The following SPON1 variants were observed in gnomAD, a reference collection of about 807,000 sequenced individuals.
SPON1 encodes spondin 1.
A neutral mutation model predicts 111.7 loss-of-function variants in SPON1; 52 were observed. The ratio of observed to expected loss-of-function variants is 0.47; its 90% CI spans 0.37 to 0.59. The LOEUF is 0.59. Among genes scored for constraint, SPON1 ranks in the 20% least tolerant of loss-of-function variants. The pLI, the probability that SPON1 is intolerant of heterozygous loss-of-function variation, is 0.00. For synonymous variants in SPON1, 410 were observed against 395.8 expected (o/e 1.04, Z -0.43); for missense variants, 957 against 1,068.5 (o/e 0.90, Z 1.46).
intron 5 of SPON1, among the ~76,000 whole-genome samples, chr11:14,121,378 T>C (rs1407425035): frequency 1.3e-5 from 2 of 152,158 alleles, no homozygotes; most frequent in African/African-American, 4.8e-5. Flanking sequence ...CCCCCAGCAA[T>C]TGTTCAAATG....
chr11:14,260,011 G>A (rs1432100939), intron 13 of SPON1, among the ~76,000 whole-genome samples: 1 of 152,220 alleles, frequency 6.6e-6, no homozygotes, highest in Non-Finnish European at 1.5e-5. Context: ...GTGGGGAGGA[G>A]GGCCAATACA....
rs782136683 is a variant in SPON1 at position 14,254,661 on chromosome 11, T to A, written c.1024T>A (p.Trp342Arg). ...AEDLCTKECG[W>R]VQKVVQDLIP... The stretch of plus-strand genomic sequence containing the variant: ...AGATCTGTGCACCAAGGAATGTGGC[T>A]GGGTCCAGAAGGTGGTGCAAGACCT... Residue 342 changes from tryptophan (W) to arginine (R), a missense_variant, in exon 8 of 16, where the codon TGG (tryptophan) becomes AGG (arginine). Physicochemically the swap from Trp to Arg is moderately radical, Grantham distance 101. Transcript: ENST00000576479. 2 of 1,614,018 alleles carry A rather than the reference T, an allele frequency of 1.2e-6. No homozygotes were observed. Among genetic ancestry groups the A allele is most frequent in the South Asian group, 2.2e-5 (2 of 91,080 alleles).
At chr11:14,001,771 CATA>C (rs1554912478) in intron 2 of SPON1, among the ~76,000 whole-genome samples, 1 of 152,032 alleles carries the variant, frequency 6.6e-6, no homozygotes, top group East Asian at 1.9e-4. Flanking sequence ...GACAAACAAA[CATA>C]ATAACCAAGA....
chr11:13,999,377 CAA>C (rs1295691312), intron 2 of SPON1, among the ~76,000 whole-genome samples: 3 of 151,452 alleles, frequency 2.0e-5, no homozygotes, highest in South Asian at 4.2e-4. Flanking sequence ...GTTTCTGGAT[CAA>C]AGAGTTTTTA....
At chr11:14,012,405 G>T (rs1838846340) in intron 2 of SPON1, among the ~76,000 whole-genome samples, 2 of 152,110 alleles carry the variant, frequency 1.3e-5, no homozygotes, top group Non-Finnish European at 2.9e-5. Context: ...TTTTGACTCT[G>T]GTGAGATACA....
intron 6 of SPON1, among the ~76,000 whole-genome samples, chr11:14,165,536 G>A (rs782242572): frequency 6.6e-6 from 1 of 152,136 alleles, no homozygotes; most frequent in Non-Finnish European, 1.5e-5. Context: ...TGTTTAAAGT[G>A]ACCAGCCTAC....
intron 2 of SPON1, among the ~76,000 whole-genome samples, chr11:13,997,000 T>C (rs1554911882): frequency 6.6e-6 from 1 of 152,198 alleles, no homozygotes; most frequent in Non-Finnish European, 1.5e-5. Flanking sequence ...CCGTAACACA[T>C]AAATCTTTGC....
rs1554924229 is a variant in SPON1 at position 14,099,908 on chromosome 11, T to C, written c.676+19887T>C. ...GACAGAGGGAAGAGGTGCCACACTC[T>C]TCCAAACAACCAGATCTCCTGTGAA... On this transcript the variant is annotated intron_variant, in intron 5 of 15. Coordinates refer to ENST00000576479, the MANE Select transcript of SPON1 (RefSeq NM_006108.4). 2.6e-5 allele frequency among the ~76,000 whole-genome samples: 4 copies of C among 152,108 alleles called. No homozygotes were observed. The South Asian group carries it at 8.3e-4, about 32-fold the overall frequency.
chr11:14,018,136 G>A (rs926524701), intron 2 of SPON1, among the ~76,000 whole-genome samples: 2 of 152,122 alleles, frequency 1.3e-5, no homozygotes, highest in Non-Finnish European at 2.9e-5. Context: ...GTCTTGTTGC[G>A]AATTTGTGGG....
chr11:14,177,193 A>G (rs1042308795), intron 6 of SPON1, among the ~76,000 whole-genome samples: 6 of 151,768 alleles, frequency 4.0e-5, no homozygotes, highest in African/African-American at 1.5e-4. Context: ...GGCGCCCACC[A>G]CCATACGCAG....
At position 13,963,147 on chromosome 11, in the gene SPON1, G is replaced by A. The variant is rs1369274660; in HGVS notation, c.238+5G>A. 6.7e-7 allele frequency: 1 copy of A among 1,493,814 alleles called. No individual in the cohort carries two copies. Among genetic ancestry groups the A allele is most frequent in the Non-Finnish European group, 9.0e-7 (1 of 1,117,306 alleles). The allele number at this position is 1,493,814 out of a possible 1,614,324, so 92.5% of individuals were successfully genotyped here. On this transcript the variant is annotated splice_donor_5th_base_variant and intron_variant, in intron 1 of 15. Coordinates refer to ENST00000576479, the MANE Select transcript of SPON1 (RefSeq NM_006108.4). ...AGCCGGGAACCAGCTACCGCGGTAA[G>A]TGGCCGCCCGGCGTGGCATTAGGAG...
chr11:14,055,859 T>C (rs1253542454), intron 3 of SPON1, among the ~76,000 whole-genome samples: 1 of 152,188 alleles, frequency 6.6e-6, no homozygotes, highest in African/African-American at 2.4e-5. Context: ...GAGCCCAAGC[T>C]CATCCTTAGA....
chr11:14,099,761 G>T (rs1554924213), intron 5 of SPON1, among the ~76,000 whole-genome samples: 1 of 152,058 alleles, frequency 6.6e-6, no homozygotes, highest in African/African-American at 2.4e-5. Flanking sequence ...AGGTTTAATT[G>T]GCTGCAGGCT....
At chr11:14,237,699 G>A (rs1848883046) in intron 6 of SPON1, among the ~76,000 whole-genome samples, 1 of 152,238 alleles carries the variant, frequency 6.6e-6, no homozygotes, top group Non-Finnish European at 1.5e-5. Flanking sequence ...CTGTTTAGTA[G>A]CAGACAGTTT....
intron 6 of SPON1, among the ~76,000 whole-genome samples, chr11:14,195,397 A>C (rs1186995685): frequency 6.6e-6 from 1 of 152,242 alleles, no homozygotes; most frequent in Non-Finnish European, 1.5e-5. Flanking sequence ...GGCAAAGACA[A>C]AAATGATTGG....
At chr11:14,059,869 G>A (rs1554919649) in intron 3 of SPON1, among the ~76,000 whole-genome samples, 1 of 152,156 alleles carries the variant, frequency 6.6e-6, no homozygotes, top group Non-Finnish European at 1.5e-5. Flanking sequence ...AGATGCTTCT[G>A]CTAATTGTGT....
intron 1 of SPON1, among the ~76,000 whole-genome samples, chr11:13,970,338 A>G (rs1382875535): frequency 1.3e-5 from 2 of 152,242 alleles, no homozygotes; most frequent in Non-Finnish European, 2.9e-5. Context: ...TGAAATGTTC[A>G]GGAAAACTTA....
chr11:14,261,683 G>GT (rs1849184401), intron 14 of SPON1, among the ~76,000 whole-genome samples: 1 of 152,204 alleles, frequency 6.6e-6, no homozygotes, highest in South Asian at 2.1e-4. Flanking sequence ...GGGGTTTTCA[G>GT]TAACTAAGAT....
intron 3 of SPON1, among the ~76,000 whole-genome samples, chr11:14,070,634 G>A (rs1282180465): frequency 6.6e-6 from 1 of 152,094 alleles, no homozygotes; most frequent in African/African-American, 2.4e-5. Flanking sequence ...GAGGATCCAG[G>A]TATATTTTTT....
Sources: allele counts gnomAD v4.1 joint callset (sites outside exome capture counted in the v4.1 genomes callset), GRCh38; gene constraint gnomAD v4.1.1; transcripts MANE v1.5; gene names NCBI Gene and HGNC (gene_info 2026-07-23, HGNC 2026-07-21).